SSPN: variants seen among roughly 807,000 people sequenced by gnomAD.
SSPN encodes sarcospan, also known as K-ras oncogene-associated protein.
A neutral mutation model predicts 19.1 loss-of-function variants in SSPN; 15 were observed. The observed-to-expected ratio is 0.78, with a 90% CI of 0.52 to 1.21. The LOEUF (loss-of-function observed/expected upper bound fraction) is 1.21, where lower values mean the gene tolerates loss of function less well. Ranked by LOEUF, SSPN falls within the 50% of genes most tolerant of loss-of-function variation. The pLI is 0.00. For missense variants in SSPN, 291 were observed against 314.0 expected, an observed-to-expected ratio of 0.93 and a Z score of 0.55; for synonymous variants, 147 against 140.3, an observed-to-expected ratio of 1.05 and a Z score of -0.34.
chr12:26,221,089 C>T (rs922585683), intron 1 of SSPN, among the ~76,000 whole-genome samples: 3 of 152,194 alleles, frequency 2.0e-5, no homozygotes, highest in Non-Finnish European at 2.9e-5. Context: ...GATCTACTTC[C>T]TGCCTATTGC....
intron 1 of SSPN, among the ~76,000 whole-genome samples, chr12:26,201,030 T>TA (rs1268154886): frequency 2.8e-4 from 10 of 35,576 alleles, no homozygotes; most frequent in East Asian, 3.2e-3. Flanking sequence ...TATATATATA[T>TA]ATATATATAT....
intron 2 of SSPN, among the ~76,000 whole-genome samples, chr12:26,228,871 C>T (rs182945829): frequency 5.3e-5 from 8 of 152,170 alleles, no homozygotes; most frequent in East Asian, 3.9e-4. Flanking sequence ...GAGGGCCAGA[C>T]GAAGTGGTTC....
intron 1 of SSPN, among the ~76,000 whole-genome samples, chr12:26,207,303 A>G (rs12313115): frequency 0.011 from 1,730 of 152,344 alleles, 28 homozygotes; most frequent in African/African-American, 0.038. Context: ...GCATAATAAC[A>G]TAGAAAATAA....
At chr12:26,224,815 C>T (rs775933769) in intron 2 of SSPN, among the ~76,000 whole-genome samples, 1 of 152,010 alleles carries the variant, frequency 6.6e-6, no homozygotes, top group Non-Finnish European at 1.5e-5. Context: ...TCCAAATGCT[C>T]TGTGCCAAGA....
At chr12:26,206,267 T>TAC (rs1944930672) in intron 1 of SSPN, among the ~76,000 whole-genome samples, 3 of 152,072 alleles carry the variant, frequency 2.0e-5, no homozygotes, top group Admixed American at 2.0e-4. Context: ...CAAAACACTT[T>TAC]CAAAGGAGAA....
At chr12:26,221,875 G>A (rs897074169) in intron 1 of SSPN, among the ~76,000 whole-genome samples, 1 of 152,204 alleles carries the variant, frequency 6.6e-6, no homozygotes, top group African/African-American at 2.4e-5. Flanking sequence ...TAAACAAAAA[G>A]TAGGTCTTTC....
At chr12:26,171,592 C>T (rs1944653765) in intron 1 of SSPN, among the ~76,000 whole-genome samples, 1 of 149,830 alleles carries the variant, frequency 6.7e-6, no homozygotes, top group African/African-American at 2.5e-5. Context: ...TAGAGATTTA[C>T]AAATATTTAG....
chr12:26,139,008 T>A (rs1446019017), intron 1 of SSPN, among the ~76,000 whole-genome samples: 1 of 152,194 alleles, frequency 6.6e-6, no homozygotes, highest in Non-Finnish European at 1.5e-5. Flanking sequence ...GGTTTAGATG[T>A]AAGCAGTAGT....
At chr12:26,205,303 A>C (rs1475346766) in intron 1 of SSPN, among the ~76,000 whole-genome samples, 1 of 152,174 alleles carries the variant, frequency 6.6e-6, no homozygotes, top group African/African-American at 2.4e-5. Flanking sequence ...AAACCCCTTT[A>C]AGATATGTTA....
At chr12:26,179,828 T>C (rs978399278) in intron 1 of SSPN, among the ~76,000 whole-genome samples, 2 of 151,790 alleles carry the variant, frequency 1.3e-5, no homozygotes. Flanking sequence ...CCCTCACATA[T>C]GTATACGGTG....
At chr12:26,149,269 G>C (rs1944510954) in intron 1 of SSPN, among the ~76,000 whole-genome samples, 1 of 152,062 alleles carries the variant, frequency 6.6e-6, no homozygotes, top group South Asian at 2.1e-4. Flanking sequence ...TTAATTCCTT[G>C]TATTTGTATA....
chr12:26,122,638 G>A, intron 1 of SSPN: 5 of 1,304,252 alleles, frequency 3.8e-6, no homozygotes, highest in African/African-American at 1.5e-5. Flanking sequence ...CCGCCCCCCG[G>A]GCCGCCGCCG....
chr12:26,222,069 A>T (rs1945127402), intron 1 of SSPN, among the ~76,000 whole-genome samples: 1 of 152,196 alleles, frequency 6.6e-6, no homozygotes, highest in Non-Finnish European at 1.5e-5. Context: ...TTACTTTTGT[A>T]TGTGCCAGTC....
intron 1 of SSPN, chr12:26,123,313 C>T (rs1944331817): frequency 1.7e-6 from 2 of 1,207,520 alleles, no homozygotes; most frequent in Admixed American, 5.8e-5. Flanking sequence ...TGATATAATC[C>T]ACCAGTTGAC....
intron 1 of SSPN, among the ~76,000 whole-genome samples, chr12:26,151,262 C>T (rs1436637942): frequency 6.6e-6 from 1 of 152,054 alleles, no homozygotes; most frequent in African/African-American, 2.4e-5. Flanking sequence ...GGCAAAACCA[C>T]CAAACATTGC....
intron 1 of SSPN, among the ~76,000 whole-genome samples, chr12:26,130,779 T>C (rs1944393004): frequency 6.6e-6 from 1 of 152,122 alleles, no homozygotes; most frequent in Non-Finnish European, 1.5e-5. Flanking sequence ...CACTTCTGCT[T>C]TTCCACTCTC....
rs181362784 is a variant in SSPN, at chr12:26,167,207, G to A, written c.-31+45055G>A. On this transcript the variant is annotated intron_variant, in intron 1 of 2. Transcript: ENST00000538142. ...TATTATTGAGGCATACACCACATACGTGAGGTTTTTTAAAAAAGCCTAGGA... is the reference window on the plus strand; with the variant it reads ...TATTATTGAGGCATACACCACATACATGAGGTTTTTTAAAAAAGCCTAGGA... 1.2e-3 allele frequency among the ~76,000 whole-genome samples: 181 copies of A among 152,254 alleles called. 1 individual carries two copies. The highest frequency in any genetic ancestry group is 2.0e-3 in the Non-Finnish European group (136 of 68,028).
chr12:26,129,892 G>C (rs1944387923), intron 1 of SSPN, among the ~76,000 whole-genome samples: 1 of 152,184 alleles, frequency 6.6e-6, no homozygotes, highest in Admixed American at 6.5e-5. Flanking sequence ...CATGCAGGCT[G>C]TTCTGCATTT....
intron 1 of SSPN, among the ~76,000 whole-genome samples, chr12:26,201,023 A>ATATATATATAT (rs1565685393): frequency 1.4e-3 from 47 of 33,440 alleles, no homozygotes; most frequent in African/African-American, 1.8e-3. Flanking sequence ...ATATATATAT[A>ATATATATATAT]TATATATATA....
Sources: allele counts gnomAD v4.1 joint callset (sites outside exome capture counted in the v4.1 genomes callset), GRCh38; gene constraint gnomAD v4.1.1; transcripts MANE v1.5; gene names NCBI Gene and HGNC (gene_info 2026-07-23, HGNC 2026-07-21).